Variants in LRRC49 observed in about 807,000 individuals in gnomAD.
LRRC49 encodes leucine rich repeat containing 49, also known as leucine-rich repeat-containing protein 49.
LRRC49 carries 50 observed loss-of-function variants against 83.3 expected under a neutral mutation model. The ratio of observed to expected loss-of-function variants is 0.60; its 90% CI spans 0.48 to 0.76. The LOEUF (loss-of-function observed/expected upper bound fraction) is 0.76. Among genes scored for constraint, LRRC49 ranks in the 30% least tolerant of loss-of-function variants. LRRC49 has a pLI of 0.00. For synonymous variants in LRRC49, 286 were observed against 283.3 expected (o/e 1.01, Z -0.10); for missense variants, 704 against 809.1 (o/e 0.87, Z 1.58).
chr15:71,006,672 A>G (rs2038469931), intron 11 of LRRC49, among the ~76,000 whole-genome samples: 1 of 152,158 alleles, frequency 6.6e-6, no homozygotes, highest in South Asian at 2.1e-4. Context: ...TGTTGGATCT[A>G]CTATAGTAAT....
intron 5 of LRRC49, 31 bp downstream of exon 5, chr15:70,904,786 A>T (rs2034232866): frequency 2.0e-6 from 3 of 1,498,988 alleles, no homozygotes; most frequent in Non-Finnish European, 1.8e-6. Context: ...TTTGTAGCCT[A>T]ATGTTATGTG....
intron 15 of LRRC49, among the ~76,000 whole-genome samples, chr15:71,044,587 G>C (rs1343297723): frequency 1.3e-5 from 2 of 152,084 alleles, no homozygotes; most frequent in East Asian, 1.9e-4. Context: ...TCAAGAGTTT[G>C]AGACCAGCCT....
intron 10 of LRRC49, 115 bp from the exon 11 acceptor site, chr15:70,983,979 G>A (rs1373468024): frequency 2.7e-6 from 2 of 741,790 alleles, no homozygotes; most frequent in Non-Finnish European, 4.6e-6. Flanking sequence ...TACTTAAAAG[G>A]AACAGGCTCC....
chr15:70,991,831 C>G (rs975617423), intron 11 of LRRC49, among the ~76,000 whole-genome samples: 1 of 152,130 alleles, frequency 6.6e-6, no homozygotes, highest in Non-Finnish European at 1.5e-5. Context: ...AGCTGGAATT[C>G]TTTAAGCCTT....
chr15:71,014,127 C>T (rs191301033), intron 14 of LRRC49, among the ~76,000 whole-genome samples: 11 of 151,814 alleles, frequency 7.2e-5, no homozygotes, highest in Admixed American at 4.6e-4. Context: ...CCCACAAAAC[C>T]ATTCTGAAAA....
At chr15:70,936,147 A>G (rs2035589951) in intron 7 of LRRC49, among the ~76,000 whole-genome samples, 1 of 152,122 alleles carries the variant, frequency 6.6e-6, no homozygotes, top group Non-Finnish European at 1.5e-5. Flanking sequence ...TAAATATAAT[A>G]GGGTAGATTT....
chr15:70,987,296 A>G (rs1403059727), intron 11 of LRRC49, among the ~76,000 whole-genome samples: 1 of 152,182 alleles, frequency 6.6e-6, no homozygotes, highest in Non-Finnish European at 1.5e-5. Flanking sequence ...GCTATTGATT[A>G]TTGCCACAAT....
intron 1 of LRRC49, among the ~76,000 whole-genome samples, chr15:70,867,853 T>G (rs1301402681): frequency 6.6e-6 from 1 of 152,098 alleles, no homozygotes; most frequent in Non-Finnish European, 1.5e-5. Context: ...GAGATGAGTA[T>G]TGGGGTCCTG....
Position 71,008,437 on chromosome 15 carries a change from C to T in LRRC49, c.1228C>T (p.Leu410Phe), listed in dbSNP as rs749675596. 9 of 1,612,920 alleles carry T rather than the reference C, an allele frequency of 5.6e-6. No homozygotes were observed. In the East Asian group the frequency reaches 6.7e-5, roughly 12 times the overall value. The change falls in exon 12 of 16, where the codon CTT becomes TTT. Residue 410 changes from leucine (L) to phenylalanine (F), a missense_variant. Physicochemically the swap from Leu to Phe is conservative, Grantham distance 22. Coordinates refer to ENST00000260382, the MANE Select transcript of LRRC49 (RefSeq NM_017691.5). ...AGGTTTATCTGTCATAGACACATAC[C>T]TTGTTGAAGTGGACGGGGATACACT... ...LQGLSVIDTY[L>F]VEVDGDTLSL...
upstream of LRRC49, among the ~76,000 whole-genome samples, chr15:70,888,486 T>A (rs1270761426): frequency 6.6e-6 from 1 of 151,882 alleles, no homozygotes; most frequent in Non-Finnish European, 1.5e-5. Context: ...GAAACTTAAA[T>A]CCTACCTCAC....
intron 9 of LRRC49, among the ~76,000 whole-genome samples, chr15:70,967,548 G>A (rs2036836453): frequency 6.6e-6 from 1 of 152,032 alleles, no homozygotes; most frequent in African/African-American, 2.4e-5. Flanking sequence ...AGGGGTTTTA[G>A]TTTGTAAAGA....
At chr15:70,875,963 T>A (rs1461465088) in intron 2 of LRRC49, among the ~76,000 whole-genome samples, 1 of 152,220 alleles carries the variant, frequency 6.6e-6, no homozygotes, top group Non-Finnish European at 1.5e-5. Context: ...TCTTTTTTTT[T>A]AGTGGATTAT....
Position 70,902,260 on chromosome 15 carries a change from A to G in LRRC49, c.296+1236A>G, listed in dbSNP as rs556614877. 1.3e-4 allele frequency among the ~76,000 whole-genome samples: 20 copies of G among 152,294 alleles called. No individual in the cohort carries two copies. The South Asian group carries it at 4.1e-3, about 32-fold the overall frequency. On this transcript the variant is annotated intron_variant, in intron 4 of 15. Coordinates refer to ENST00000260382, the MANE Select transcript of LRRC49 (RefSeq NM_017691.5). ...GCCCTTCAGTTTCATGTTACTTGAC[A>G]TTAACAGGAGCCAGTATTTGTAAGA... is the stretch of plus-strand genomic sequence containing the variant.
At chr15:70,922,222 C>T (rs377146102) in intron 7 of LRRC49, among the ~76,000 whole-genome samples, 2 of 152,272 alleles carry the variant, frequency 1.3e-5, no homozygotes, top group East Asian at 1.9e-4. Flanking sequence ...GAGATATCTG[C>T]ATCCCTATGT....
At chr15:70,862,270 TG>T (rs1042158558) in intron 1 of LRRC49, among the ~76,000 whole-genome samples, 3 of 151,936 alleles carry the variant, frequency 2.0e-5, no homozygotes, top group African/African-American at 7.2e-5. Flanking sequence ...TAGAATCACC[TG>T]GGGGGCTTTT....
intron 6 of LRRC49, chr15:70,918,533 A>G (rs565926260): frequency 1.3e-5 from 2 of 152,366 alleles, no homozygotes; most frequent in African/African-American, 4.8e-5. Flanking sequence ...AATTAACCTC[A>G]TCTTCTACTG....
At chr15:70,884,713 T>C (rs2033359536) in intron 2 of LRRC49, among the ~76,000 whole-genome samples, 1 of 152,134 alleles carries the variant, frequency 6.6e-6, no homozygotes, top group Non-Finnish European at 1.5e-5. Flanking sequence ...AAACACATAT[T>C]TCTTTACAAA....
chr15:71,035,753 G>A (rs1192573580), intron 14 of LRRC49, among the ~76,000 whole-genome samples: 1 of 152,058 alleles, frequency 6.6e-6, no homozygotes, highest in Non-Finnish European at 1.5e-5. Flanking sequence ...ATCACTGATG[G>A]GCATTTGGGT....
At chr15:70,954,682 A>T (rs2141184656) in intron 8 of LRRC49, among the ~76,000 whole-genome samples, 1 of 151,598 alleles carries the variant, frequency 6.6e-6, no homozygotes, top group Non-Finnish European at 1.5e-5. Flanking sequence ...TCATTTCTGG[A>T]TGCTTTTAGG....
Sources: gnomAD v4.1 joint callset for allele counts (sites outside exome capture counted in the v4.1 genomes callset) on GRCh38, gnomAD v4.1.1 for gene constraint, MANE v1.5 for transcripts, NCBI Gene and HGNC (gene_info 2026-07-23, HGNC 2026-07-21) for gene names.